The following DIXDC1 variants were observed in gnomAD, a reference collection of about 807,000 sequenced individuals.
The protein encoded by DIXDC1 is dixin.
In DIXDC1, 64 loss-of-function variants were observed where a neutral mutation model predicts 103.1. The ratio of observed to expected loss-of-function variants is 0.62; its 90% CI spans 0.51 to 0.76. The LOEUF (loss-of-function observed/expected upper bound fraction) is 0.76. DIXDC1 is among the 30% of genes least tolerant of loss of function. The probability of loss-of-function intolerance (pLI) is 0.00; values close to 1 mark genes in which losing one functional copy is unlikely to be tolerated. For synonymous variants in DIXDC1, 266 were observed against 298.5 expected, an observed-to-expected ratio of 0.89 and a Z score of 1.12; for missense variants, 759 against 834.2, an observed-to-expected ratio of 0.91 and a Z score of 1.11.
chr11:111,967,546 C>T (rs184116519), intron 2 of DIXDC1, among the ~76,000 whole-genome samples: 1 of 152,320 alleles, frequency 6.6e-6, no homozygotes, highest in East Asian at 1.9e-4. Flanking sequence ...TCAGACTGAT[C>T]TCCCTGTTTC....
chr11:111,989,204 A>G, intron 10 of DIXDC1, 149 bp downstream of exon 10: 1 of 608,220 alleles, frequency 1.6e-6, no homozygotes, highest in Non-Finnish European at 2.8e-6. Flanking sequence ...GAAGTGAGAC[A>G]TGTCGAGGAA....
At chr11:112,014,601 T>C (rs1555177533) in intron 17 of DIXDC1, among the ~76,000 whole-genome samples, 2 of 152,220 alleles carry the variant, frequency 1.3e-5, no homozygotes, top group African/African-American at 4.8e-5. Flanking sequence ...ATACAGCTTG[T>C]AGAAATCTGA....
chr11:111,929,831 G>T (rs1367728104), exon 2 of DIXDC1: 1 of 1,525,680 alleles, frequency 6.6e-7, no homozygotes, highest in Non-Finnish European at 8.8e-7. Flanking sequence ...GCCCTGATTC[G>T]TCTCTTCTAG....
intron 1 of DIXDC1, among the ~76,000 whole-genome samples, chr11:111,948,364 A>T (rs1335206365): frequency 1.3e-5 from 2 of 151,966 alleles, no homozygotes; most frequent in East Asian, 3.9e-4. Flanking sequence ...AGGCTTATCC[A>T]CTGTCTCTTA....
At chr11:112,002,540 C>T (rs1861102029) in intron 17 of DIXDC1, among the ~76,000 whole-genome samples, 1 of 152,178 alleles carries the variant, frequency 6.6e-6, no homozygotes. Context: ...CCTGTAATCC[C>T]AGCACTTTGG....
rs587713632 is a variant in DIXDC1 at position 111,929,303 on chromosome 11, C to T, written c.-36-515C>T. Among the ~76,000 whole-genome samples, 4 of 152,300 alleles carry T rather than the reference C, an allele frequency of 2.6e-5. No homozygotes were observed. In the East Asian group the frequency reaches 7.7e-4, roughly 29 times the overall value. On this transcript the variant is annotated intron_variant, in intron 1 of 5. Transcript: ENST00000529225. ...TCTCCTGATTATCTTCAGAATACTT[C>T]CTGTGGTCCTTGACTAATAAATATA...
upstream of DIXDC1, among the ~76,000 whole-genome samples, chr11:111,936,968 G>A (rs919959631): frequency 1.3e-5 from 2 of 151,098 alleles, no homozygotes; most frequent in Non-Finnish European, 1.5e-5. Flanking sequence ...TACGCCAGCC[G>A]GGCCGCCTGT....
chr11:111,980,085 T>G (rs1860245814), intron 5 of DIXDC1, among the ~76,000 whole-genome samples: 1 of 152,236 alleles, frequency 6.6e-6, no homozygotes, highest in South Asian at 2.1e-4. Context: ...CCACTATTCC[T>G]AGCAGGTCTT....
At chr11:111,988,879 C>T in intron 9 of DIXDC1, 126 bp from the exon 10 acceptor site, 2 of 740,472 alleles carry the variant, frequency 2.7e-6, no homozygotes, top group South Asian at 3.5e-5. Flanking sequence ...TGTTTTCTGC[C>T]TTAGTAGAGG....
chr11:111,937,113 C>T, upstream of DIXDC1: 1 of 639,378 alleles, frequency 1.6e-6, no homozygotes, highest in Non-Finnish European at 1.9e-6. Context: ...CGCACACACG[C>T]CCGTGCTGCG....
intron 5 of DIXDC1, among the ~76,000 whole-genome samples, chr11:111,979,932 C>T (rs1309905589): frequency 6.6e-6 from 1 of 152,102 alleles, no homozygotes; most frequent in Non-Finnish European, 1.5e-5. Context: ...CCAACCTGGG[C>T]AACAGAGTGA....
intron 2 of DIXDC1, among the ~76,000 whole-genome samples, chr11:111,932,312 A>G (rs1332249435): frequency 6.6e-6 from 1 of 151,892 alleles, no homozygotes; most frequent in African/African-American, 2.4e-5. Flanking sequence ...TGTTGGGATT[A>G]CAGGCGTGAG....
rs957147141 is a variant in DIXDC1, at chr11:112,017,039, A to G, written c.1862+243A>G. On this transcript the variant is annotated intron_variant, in intron 18 of 19. Transcript: ENST00000440460. The surrounding 1 kb of genome is among the most constrained non-coding windows in gnomAD (Gnocchi z 4.0). ...TACAATAATAGTACTTCCAATCCTG[A>G]TAACTATGCAAATATGGCTCTGCAT... Among the ~76,000 whole-genome samples, 22 of 151,954 alleles carry G rather than the reference A, an allele frequency of 1.4e-4. No homozygotes were observed. The highest frequency in any genetic ancestry group is 5.3e-4 in the African/African-American group (22 of 41,366).
intron 2 of DIXDC1, among the ~76,000 whole-genome samples, chr11:111,965,674 CAT>C (rs1184636354): frequency 6.6e-6 from 1 of 152,094 alleles, no homozygotes; most frequent in Non-Finnish European, 1.5e-5. Flanking sequence ...CTTTGGGAAA[CAT>C]AATATTATCC....
chr11:111,991,032 G>A (rs1353793337), intron 10 of DIXDC1, among the ~76,000 whole-genome samples: 2 of 152,140 alleles, frequency 1.3e-5, no homozygotes, highest in African/African-American at 4.8e-5. Context: ...ACCCAAATGG[G>A]AGTATATCTG....
chr11:111,989,955 A>C (rs1309545233), intron 10 of DIXDC1, among the ~76,000 whole-genome samples: 1 of 145,840 alleles, frequency 6.9e-6, no homozygotes, highest in Admixed American at 7.0e-5. Flanking sequence ...CGCCCGGCTA[A>C]TTTTTTGTAT....
intron 1 of DIXDC1, among the ~76,000 whole-genome samples, chr11:111,950,438 A>ATTTTTTT (rs59473485): frequency 1.3e-4 from 2 of 15,168 alleles, no homozygotes; most frequent in African/African-American, 2.3e-4. Context: ...ATATATATAT[A>ATTTTTTT]TTTTTTTTTT....
intron 9 of DIXDC1, among the ~76,000 whole-genome samples, chr11:111,988,457 C>T (rs1231735707): frequency 1.3e-5 from 2 of 152,096 alleles, no homozygotes; most frequent in African/African-American, 2.4e-5. Flanking sequence ...TAGTGACAAT[C>T]GTATACATAT....
Position 111,976,033 on chromosome 11 carries a change from G to A in DIXDC1, c.656+1050G>A, listed in dbSNP as rs1860085721. 2 of 539,662 alleles carry A rather than the reference G, an allele frequency of 3.7e-6. No homozygotes were observed. The highest frequency in any genetic ancestry group is 1.5e-4 in the East Asian group (1 of 6,826). 33.4% of individuals were successfully genotyped at this position (539,662 alleles called of 1,614,324 possible). On this transcript the variant is annotated intron_variant, in intron 5 of 19. Coordinates refer to ENST00000440460, the MANE Select transcript of DIXDC1 (RefSeq NM_001037954.4). The surrounding 1 kb of genome is among the most constrained non-coding windows in gnomAD (Gnocchi z 4.3). ...ATTTAGTATCTTCATAATGTGGTGCGACCATCACCTCTATCCACTCAGAAG... is the reference window on the plus strand; with the variant it reads ...ATTTAGTATCTTCATAATGTGGTGCAACCATCACCTCTATCCACTCAGAAG...
Sources: gnomAD v4.1 joint callset for allele counts (sites outside exome capture counted in the v4.1 genomes callset) on GRCh38, gnomAD v4.1.1 for gene constraint, Gnocchi (gnomAD v3.1) non-coding constraint, MANE v1.5 for transcripts, NCBI Gene and HGNC (gene_info 2026-07-23, HGNC 2026-07-21) for gene names.